NOX4: variants seen among roughly 807,000 people sequenced by gnomAD.
NOX4 encodes the protein kidney oxidase-1.
A neutral mutation model predicts 87.6 loss-of-function variants in NOX4; 69 were observed. The ratio of observed to expected loss-of-function variants is 0.79; its 90% CI spans 0.65 to 0.96. The LOEUF (loss-of-function observed/expected upper bound fraction) is 0.96, where lower values mean the gene tolerates loss of function less well. Among genes scored for constraint, NOX4 ranks in the 40% least tolerant of loss-of-function variants. The pLI is 0.00. For missense variants in NOX4, 680 were observed against 681.5 expected, an observed-to-expected ratio of 1.00 and a Z score of 0.02; for synonymous variants, 275 against 238.2, an observed-to-expected ratio of 1.15 and a Z score of -1.42.
chr11:89,336,049 A>G, intron 16 of NOX4, 104 bp from the exon 17 acceptor site: 1 of 619,510 alleles, frequency 1.6e-6, no homozygotes, highest in East Asian at 3.0e-5. Flanking sequence ...TTGCTGTGAT[A>G]TAAAGAATGT....
At chr11:89,345,432 G>GT (rs1386532816) in intron 13 of NOX4, among the ~76,000 whole-genome samples, 1 of 131,006 alleles carries the variant, frequency 7.6e-6, no homozygotes, top group Non-Finnish European at 1.7e-5. Context: ...TCCTGTACCA[G>GT]TAGTATTTGG....
chr11:89,530,325 C>G, the NOX4 span, among the ~76,000 whole-genome samples: 1 of 146,904 alleles, frequency 6.8e-6, no homozygotes, highest in Non-Finnish European at 1.5e-5. Flanking sequence ...TTGATCTTCA[C>G]TTGTTCTAGA....
intron 2 of NOX4, among the ~76,000 whole-genome samples, chr11:89,482,712 T>A (rs1393616671): frequency 6.6e-6 from 1 of 152,086 alleles, no homozygotes; most frequent in African/African-American, 2.4e-5. Flanking sequence ...GTCCACCTCA[T>A]ATATAAGAAT....
chr11:89,363,589 T>TC (rs1938701748), intron 12 of NOX4, among the ~76,000 whole-genome samples: 1 of 151,906 alleles, frequency 6.6e-6, no homozygotes, highest in African/African-American at 2.4e-5. Flanking sequence ...AGCACATTAT[T>TC]TCTAGGGATT....
intron 12 of NOX4, among the ~76,000 whole-genome samples, chr11:89,364,742 C>G (rs903247343): frequency 5.3e-5 from 8 of 152,086 alleles, no homozygotes; most frequent in African/African-American, 1.9e-4. Flanking sequence ...TACTATCATT[C>G]ACACATTATG....
intron 2 of NOX4, among the ~76,000 whole-genome samples, chr11:89,479,874 A>G (rs767299002): frequency 1.3e-5 from 2 of 152,106 alleles, no homozygotes; most frequent in African/African-American, 2.4e-5. Context: ...TAGGAATCAC[A>G]TAGACTCACT....
chr11:89,556,661 A>T, the NOX4 span, among the ~76,000 whole-genome samples: 1 of 152,158 alleles, frequency 6.6e-6, no homozygotes, highest in African/African-American at 2.4e-5. Flanking sequence ...AAAGTAATTA[A>T]AACTATTCAC....
chr11:89,573,630 G>A, the NOX4 span, among the ~76,000 whole-genome samples: 1 of 152,162 alleles, frequency 6.6e-6, no homozygotes, highest in Admixed American at 6.5e-5. Context: ...CTCCTCAGAA[G>A]AAAGAATTCA....
intron 8 of NOX4, among the ~76,000 whole-genome samples, chr11:89,420,638 GT>G (rs1943032998): frequency 6.6e-6 from 1 of 152,024 alleles, no homozygotes; most frequent in Non-Finnish European, 1.5e-5. Flanking sequence ...GTTTGAATAT[GT>G]ACCCTGAAAT....
At chr11:89,558,152 A>G in the NOX4 span, among the ~76,000 whole-genome samples, 3 of 152,048 alleles carry the variant, frequency 2.0e-5, no homozygotes, top group Non-Finnish European at 2.9e-5. Context: ...TTACTTATGC[A>G]AAAGAGTCAT....
At chr11:89,491,989 C>T (rs1946873097), upstream of NOX4, 6 of 152,134 alleles carry the variant, frequency 3.9e-5, no homozygotes, top group Admixed American at 3.9e-4. Context: ...GCCCGCCCAT[C>T]CCATACTGAT....
chr11:89,458,223 T>A (rs1945294907), intron 2 of NOX4, among the ~76,000 whole-genome samples: 2 of 152,082 alleles, frequency 1.3e-5, no homozygotes, highest in South Asian at 4.1e-4. Flanking sequence ...TTGCAAAAGA[T>A]TTAATCTGGA....
chr11:89,536,190 A>G, the NOX4 span, among the ~76,000 whole-genome samples: 1 of 119,030 alleles, frequency 8.4e-6, no homozygotes, highest in African/African-American at 3.4e-5. Context: ...TCTGTTGCTC[A>G]GGCTGGTGTG....
At chr11:89,405,361 T>C (rs1197642517) in intron 8 of NOX4, among the ~76,000 whole-genome samples, 2 of 152,056 alleles carry the variant, frequency 1.3e-5, no homozygotes, top group Admixed American at 1.3e-4. Context: ...CTTTGTATTA[T>C]GTTCAGCTAC....
chr11:89,420,394 C>A (rs1378567529), intron 8 of NOX4, among the ~76,000 whole-genome samples: 1 of 151,940 alleles, frequency 6.6e-6, no homozygotes. Context: ...GGACAGGTAA[C>A]CAATCCCATT....
intron 12 of NOX4, among the ~76,000 whole-genome samples, chr11:89,363,031 C>T (rs1010657348): frequency 1.3e-5 from 2 of 152,084 alleles, no homozygotes; most frequent in African/African-American, 4.8e-5. Flanking sequence ...TAATGTGCTT[C>T]TTTCCTTTTT....
upstream of NOX4, chr11:89,492,180 G>C (rs1348559848): frequency 6.6e-6 from 1 of 152,170 alleles, no homozygotes; most frequent in East Asian, 1.9e-4. Flanking sequence ...CCAGTGAAGA[G>C]TGAGAAGTGT....
chr11:89,469,735 G>A (rs1357869351), intron 2 of NOX4, among the ~76,000 whole-genome samples: 1 of 152,072 alleles, frequency 6.6e-6, no homozygotes, highest in Non-Finnish European at 1.5e-5. Flanking sequence ...TGCTCTTTCC[G>A]TATTTTTACA....
chr11:89,434,737 T>C (rs1405900522), intron 6 of NOX4, among the ~76,000 whole-genome samples: 4 of 151,814 alleles, frequency 2.6e-5, no homozygotes, highest in East Asian at 3.9e-4. Flanking sequence ...GGATAAACAA[T>C]TGTGGTACTT....
Sources: allele counts gnomAD v4.1 joint callset (sites outside exome capture counted in the v4.1 genomes callset), GRCh38; gene constraint gnomAD v4.1.1; transcripts MANE v1.5; gene names NCBI Gene and HGNC (gene_info 2026-07-23, HGNC 2026-07-21).